The following CSMD2 variants were observed in gnomAD, a reference collection of about 807,000 sequenced individuals.
The protein encoded by CSMD2 is CUB and sushi domain-containing protein 2.
A neutral mutation model predicts 398.5 loss-of-function variants in CSMD2; 130 were observed. The ratio of observed to expected loss-of-function variants is 0.33; its 90% CI spans 0.28 to 0.38. The LOEUF is 0.38. Among genes scored for constraint, CSMD2 ranks in the 10% least tolerant of loss-of-function variants. The pLI, the probability that CSMD2 is intolerant of heterozygous loss-of-function variation, is 1.00. For synonymous variants in CSMD2, 1,828 were observed against 1,908.5 expected (o/e 0.96, Z 1.10); for missense variants, 3,829 against 4,764.9 (o/e 0.80, Z 5.78).
At position 33,698,733 on chromosome 1, in the gene CSMD2, C is replaced by T. The variant is rs1232241176; in HGVS notation, c.3925+20G>A. 2 of 1,601,576 alleles carry T rather than the reference C, an allele frequency of 1.2e-6. No homozygotes were observed. Among genetic ancestry groups the T allele is most frequent in the East Asian group, 2.2e-5 (1 of 44,728 alleles). On this transcript the variant is annotated intron_variant, in intron 24 of 70. Transcript: ENST00000373381. ...TTATGGGAGACCCAAGGGTTCCCTGCAGAGGAAGAGCCCTCCTACCGACAC... is the reference window on the plus strand; with the variant it reads ...TTATGGGAGACCCAAGGGTTCCCTGTAGAGGAAGAGCCCTCCTACCGACAC...
chr1:34,085,770 C>A (rs759230737), intron 2 of CSMD2, among the ~76,000 whole-genome samples: 1 of 152,104 alleles, frequency 6.6e-6, no homozygotes, highest in Admixed American at 6.5e-5. Context: ...TATAAACAGA[C>A]TTGTAAACAA....
intron 15 of CSMD2, among the ~76,000 whole-genome samples, chr1:33,729,273 G>A (rs751329205): frequency 7.9e-5 from 12 of 151,986 alleles, no homozygotes; most frequent in Admixed American, 2.6e-4. Context: ...TTCCTTTGGC[G>A]GTCACCACTT....
chr1:33,826,045 G>A (rs1164096099), intron 6 of CSMD2, among the ~76,000 whole-genome samples: 1 of 152,206 alleles, frequency 6.6e-6, no homozygotes, highest in Non-Finnish European at 1.5e-5. Flanking sequence ...GACTCCCCCG[G>A]TGGCCTCTCA....
At chr1:33,570,166 C>CTTTTTTTTTTTTT (rs5773416) in intron 51 of CSMD2, among the ~76,000 whole-genome samples, 3 of 117,294 alleles carry the variant, frequency 2.6e-5, no homozygotes, top group East Asian at 5.1e-4. Flanking sequence ...CGGACATTGG[C>CTTTTTTTTTTTTT]TTTTTTTTTT....
chr1:34,093,550 G>A (rs1411360906), intron 1 of CSMD2, among the ~76,000 whole-genome samples: 1 of 151,916 alleles, frequency 6.6e-6, no homozygotes, highest in Non-Finnish European at 1.5e-5. Context: ...AACCAATACA[G>A]AGAAGTGCTT....
In CSMD2 at chr1:34,163,363, C is replaced by G. The variant is rs922669904; in HGVS notation, c.187+1548G>C. On this transcript the variant is annotated intron_variant, in intron 1 of 70. Transcript: ENST00000373381. The surrounding 1 kb of genome is among the most constrained non-coding windows in gnomAD (Gnocchi z 5.4). Reference sequence around the variant, plus strand: ...ACCGCGGGCGCCCCTCTCTGGGTGTCGGTGGCTATGACTCTTAGCAGAACC... The same window carrying G: ...ACCGCGGGCGCCCCTCTCTGGGTGTGGGTGGCTATGACTCTTAGCAGAACC... 6.6e-6 allele frequency among the ~76,000 whole-genome samples: 1 copy of G among 152,212 alleles called. No homozygotes were observed. Among genetic ancestry groups the G allele is most frequent in the African/African-American group, 2.4e-5 (1 of 41,470 alleles).
intron 2 of CSMD2, among the ~76,000 whole-genome samples, chr1:34,066,270 T>C (rs1003558413): frequency 6.6e-6 from 1 of 152,108 alleles, no homozygotes; most frequent in Non-Finnish European, 1.5e-5. Context: ...ACTGTATAAG[T>C]GCTAATTTTT....
At chr1:33,845,944 A>C (rs1385905930) in intron 6 of CSMD2, among the ~76,000 whole-genome samples, 1 of 152,258 alleles carries the variant, frequency 6.6e-6, no homozygotes, top group Non-Finnish European at 1.5e-5. Context: ...AGGTCCTTAT[A>C]CTTAATAGGT....
At chr1:33,619,882 C>T (rs936143900) in intron 37 of CSMD2, among the ~76,000 whole-genome samples, 1 of 152,176 alleles carries the variant, frequency 6.6e-6, no homozygotes, top group Non-Finnish European at 1.5e-5. Flanking sequence ...TATTTCTCCC[C>T]ATTCCTCTCC....
chr1:33,815,002 C>A (rs946411195), intron 9 of CSMD2, among the ~76,000 whole-genome samples: 4 of 152,000 alleles, frequency 2.6e-5, no homozygotes, highest in African/African-American at 9.7e-5. Flanking sequence ...TGGTGAAATG[C>A]CTGCTTTCCA....
chr1:33,814,469 C>T (rs1366460860), intron 9 of CSMD2, among the ~76,000 whole-genome samples: 2 of 152,220 alleles, frequency 1.3e-5, no homozygotes, highest in South Asian at 2.1e-4. Context: ...ACATCTTCCT[C>T]TTCCTCTTAT....
chr1:33,817,476 T>C (rs966116875), intron 9 of CSMD2, among the ~76,000 whole-genome samples: 1 of 152,098 alleles, frequency 6.6e-6, no homozygotes, highest in Non-Finnish European at 1.5e-5. Flanking sequence ...GCCAGCAAGC[T>C]AAAAGGTGTC....
At chr1:33,792,355 C>A in intron 11 of CSMD2, 68 bp downstream of exon 11, 1 of 1,132,162 alleles carries the variant, frequency 8.8e-7, no homozygotes, top group Non-Finnish European at 1.3e-6. Flanking sequence ...GGCAGGACTC[C>A]ACAAACCCCA....
chr1:33,818,238 T>G (rs925192766), intron 9 of CSMD2, among the ~76,000 whole-genome samples: 2 of 152,196 alleles, frequency 1.3e-5, no homozygotes, highest in African/African-American at 2.4e-5. Context: ...ACAGCTGGTG[T>G]CTGGGCTCCC....
At chr1:33,604,082 A>T (rs766143304) in intron 42 of CSMD2, among the ~76,000 whole-genome samples, 1 of 152,226 alleles carries the variant, frequency 6.6e-6, no homozygotes, top group Admixed American at 6.5e-5. Flanking sequence ...GTGTCAGAGA[A>T]GCCAAGGGAA....
chr1:33,734,068 A>G (rs1208152161), intron 15 of CSMD2, among the ~76,000 whole-genome samples: 1 of 152,206 alleles, frequency 6.6e-6, no homozygotes, highest in Non-Finnish European at 1.5e-5. Flanking sequence ...ATTGCTAGAA[A>G]TGCAGTAACT....
intron 10 of CSMD2, among the ~76,000 whole-genome samples, chr1:33,794,530 T>C (rs1654712029): frequency 6.6e-6 from 1 of 152,080 alleles, no homozygotes; most frequent in South Asian, 2.1e-4. Context: ...TACTGAGTAG[T>C]TGTTTAAGCA....
At chr1:33,843,783 A>G (rs1661088283) in intron 6 of CSMD2, among the ~76,000 whole-genome samples, 1 of 152,110 alleles carries the variant, frequency 6.6e-6, no homozygotes, top group African/African-American at 2.4e-5. Flanking sequence ...AGGTCAAGCT[A>G]CTGATCCCCT....
chr1:33,698,487 T>C (rs1645496198), intron 24 of CSMD2, among the ~76,000 whole-genome samples: 1 of 152,216 alleles, frequency 6.6e-6, no homozygotes, highest in Non-Finnish European at 1.5e-5. Flanking sequence ...TTTGAGGGCA[T>C]GACTTGGCTG....
Sources: allele counts gnomAD v4.1 joint callset (sites outside exome capture counted in the v4.1 genomes callset), GRCh38; gene constraint gnomAD v4.1.1; non-coding constraint Gnocchi (gnomAD v3.1); transcripts MANE v1.5; gene names NCBI Gene and HGNC (gene_info 2026-07-23, HGNC 2026-07-21).